TRPC3: variants seen among roughly 807,000 people sequenced by gnomAD.
TRPC3 encodes the protein transient receptor potential cation channel subfamily C member 3, also known as short transient receptor potential channel 3.
A neutral mutation model predicts 90.9 loss-of-function variants in TRPC3; 54 were observed. That is an observed-to-expected ratio of 0.59 (90% CI 0.48 to 0.75). The LOEUF is 0.75. Ranked by LOEUF, TRPC3 falls within the 30% of genes least tolerant of loss-of-function variation. The pLI, the probability that TRPC3 is intolerant of heterozygous loss-of-function variation, is 0.00. For missense variants in TRPC3, 918 were observed against 1,194.5 expected (o/e 0.77, Z 3.41); for synonymous variants, 424 against 450.9 (o/e 0.94, Z 0.75).
At chr4:121,950,346 C>T (rs1368979034) in intron 1 of TRPC3, among the ~76,000 whole-genome samples, 1 of 152,202 alleles carries the variant, frequency 6.6e-6, no homozygotes, top group Non-Finnish European at 1.5e-5. Flanking sequence ...GGGCCTCTCG[C>T]CGGCAGCAGG....
At chr4:121,880,422 A>G (rs1020606653) in intron 11 of TRPC3, among the ~76,000 whole-genome samples, 3 of 152,246 alleles carry the variant, frequency 2.0e-5, no homozygotes, top group African/African-American at 7.2e-5. Flanking sequence ...ACATGAAGAC[A>G]TTAGTTTGTC....
At chr4:121,938,033 C>A (rs1373737843) in intron 1 of TRPC3, among the ~76,000 whole-genome samples, 8 of 148,636 alleles carry the variant, frequency 5.4e-5, no homozygotes, top group Middle Eastern at 3.5e-3. Context: ...AAAAAAAAAA[C>A]AACCCAGAGT....
chr4:121,949,583 C>G (rs1350251444), intron 1 of TRPC3, among the ~76,000 whole-genome samples: 1 of 152,174 alleles, frequency 6.6e-6, no homozygotes, highest in Non-Finnish European at 1.5e-5. Flanking sequence ...CAGCTAATCT[C>G]TGTTACAGAG....
intron 4 of TRPC3, among the ~76,000 whole-genome samples, chr4:121,913,747 A>G (rs1445764691): frequency 1.3e-5 from 2 of 152,240 alleles, no homozygotes; most frequent in African/African-American, 2.4e-5. Context: ...ATACATAACA[A>G]AAGAACTTGG....
At chr4:121,942,889 T>C (rs1411309874) in intron 1 of TRPC3, among the ~76,000 whole-genome samples, 2 of 152,230 alleles carry the variant, frequency 1.3e-5, no homozygotes, top group African/African-American at 2.4e-5. Flanking sequence ...TAAACGAACG[T>C]ATGTGCCCAA....
intron 10 of TRPC3, among the ~76,000 whole-genome samples, chr4:121,891,049 T>C (rs1369418898): frequency 6.6e-6 from 1 of 152,014 alleles, no homozygotes; most frequent in Non-Finnish European, 1.5e-5. Context: ...TACAGATCCA[T>C]CTATAGAACA....
At chr4:121,892,527 G>A (rs963831706) in intron 10 of TRPC3, among the ~76,000 whole-genome samples, 1 of 152,114 alleles carries the variant, frequency 6.6e-6, no homozygotes, top group East Asian at 1.9e-4. Flanking sequence ...GAAAAAGCCT[G>A]GGTCCCTGAC....
At chr4:121,915,767 AG>A (rs1729292801) in intron 3 of TRPC3, among the ~76,000 whole-genome samples, 3 of 152,164 alleles carry the variant, frequency 2.0e-5, no homozygotes, top group Non-Finnish European at 4.4e-5. Context: ...ATTTCTTTAA[AG>A]CCCTGTTCTT....
At position 121,875,479 on chromosome 4, in the gene TRPC3, T is replaced by C. The variant is rs1727738402; in HGVS notation, c.*4257A>G. Among the ~76,000 whole-genome samples the C allele has an allele frequency of 6.6e-6, 1 of 152,180 alleles. No individual in the cohort carries two copies. Among genetic ancestry groups the C allele is most frequent in the South Asian group, 2.1e-4 (1 of 4,830 alleles). On this transcript the variant is annotated 3_prime_UTR_variant, in exon 12 of 12. Coordinates refer to ENST00000379645, the MANE Select transcript of TRPC3 (RefSeq NM_001130698.2). Reference sequence around the variant, plus strand: ...CAGGGTAAGGAATTTTTATTCACAATAAAGAAAATGTCAAGTTAAATTACC... The same window carrying C: ...CAGGGTAAGGAATTTTTATTCACAACAAAGAAAATGTCAAGTTAAATTACC...
chr4:121,916,981 C>T (rs1263817940), intron 3 of TRPC3, among the ~76,000 whole-genome samples: 1 of 152,156 alleles, frequency 6.6e-6, no homozygotes, highest in African/African-American at 2.4e-5. Flanking sequence ...TCTGAAAGTG[C>T]TGGGATTACA....
At chr4:121,922,632 G>T (rs977101348) in intron 3 of TRPC3, among the ~76,000 whole-genome samples, 2 of 151,660 alleles carry the variant, frequency 1.3e-5, no homozygotes, top group African/African-American at 4.9e-5. Context: ...TGTAGATGAG[G>T]TGTCTCTGCT....
In TRPC3 at chr4:121,933,232, T is replaced by C. The variant is rs1359552785; in HGVS notation, c.216-190A>G. ...ACACCTGTGATCTAACCCTGGCTGCTAGATCCCAGAAGGAAGCCGGCAGCC... is the reference window on the plus strand; with the variant it reads ...ACACCTGTGATCTAACCCTGGCTGCCAGATCCCAGAAGGAAGCCGGCAGCC... On this transcript the variant is annotated intron_variant, in intron 1 of 11. Coordinates refer to ENST00000379645, the MANE Select transcript of TRPC3 (RefSeq NM_001130698.2). 2.4e-6 allele frequency: 3 copies of C among 1,227,320 alleles called. No homozygotes were observed. In the African/African-American group the frequency reaches 4.7e-5, roughly 19 times the overall value. 76.0% of individuals were successfully genotyped at this position (1,227,320 alleles called of 1,614,324 possible). A position where few individuals can be genotyped will look rare whatever the true frequency, so the allele number is the denominator to read the frequency against.
Position 121,932,300 on chromosome 4 carries a change from T to C in TRPC3, c.958A>G (p.Lys320Glu). Reference sequence around the variant, plus strand: ...AACTCCTTCTCTATGTTGGCCAGCTTGGCCAGCTCGTTGCTGAGCTCTAGG... The same window carrying C: ...AACTCCTTCTCTATGTTGGCCAGCTCGGCCAGCTCGTTGCTGAGCTCTAGG... ...TALELSNELA[K>E]LANIEKEFKN... Residue 320 changes from lysine (K) to glutamate (E), a missense_variant, in exon 2 of 12, where the codon AAG becomes GAG. By Grantham distance (56) the Lys-to-Glu change is moderately conservative. Transcript: ENST00000379645. This position sits in a 1 kb window ranked among gnomAD's most constrained non-coding sequence, Gnocchi z 7.7. 1 of 1,614,116 alleles carries C rather than the reference T, an allele frequency of 6.2e-7. No individual in the cohort carries two copies. The highest frequency in any genetic ancestry group is 8.5e-7 in the Non-Finnish European group (1 of 1,180,004).
chr4:121,904,857 T>C (rs1728826239), intron 7 of TRPC3, among the ~76,000 whole-genome samples: 1 of 152,152 alleles, frequency 6.6e-6, no homozygotes, highest in African/African-American at 2.4e-5. Context: ...GTATGTGATT[T>C]AGAAATTTAA....
intron 2 of TRPC3, among the ~76,000 whole-genome samples, chr4:121,930,280 AG>A (rs1471366686): frequency 1.3e-5 from 2 of 152,186 alleles, no homozygotes; most frequent in African/African-American, 4.8e-5. Context: ...CATATAATCT[AG>A]AAAAAAGAAC....
Position 121,951,576 on chromosome 4 carries a change from G to A in TRPC3, c.105C>T (p.Arg35=), listed in dbSNP as rs1290028867. The change falls in exon 1 of 12, where the codon CGC becomes CGT. Residue 35 remains arginine, a synonymous_variant. Transcript: ENST00000379645. This position sits in a 1 kb window ranked among gnomAD's most constrained non-coding sequence, Gnocchi z 4.4. ...EGEDEGAEPQ[R]RRRGWRGVNG... ...TGACGCCCCTCCAGCCCCGGCGGCG[G>A]CGCTGCGGCTCCGCGCCCTCGTCCT... 1.4e-6 allele frequency: 2 copies of A among 1,450,188 alleles called. No homozygotes were observed. Among genetic ancestry groups the A allele is most frequent in the Non-Finnish European group, 1.8e-6 (2 of 1,097,538 alleles). The allele number at this position is 1,450,188 out of a possible 1,614,324, so 89.8% of individuals were successfully genotyped here. A position where few individuals can be genotyped will look rare whatever the true frequency, so the allele number is the denominator to read the frequency against.
intron 1 of TRPC3, among the ~76,000 whole-genome samples, chr4:121,934,511 C>T (rs1324585399): frequency 6.6e-6 from 1 of 152,192 alleles, no homozygotes; most frequent in Non-Finnish European, 1.5e-5. Context: ...TTCCACATTA[C>T]TGACTTTTGA....
intron 1 of TRPC3, among the ~76,000 whole-genome samples, chr4:121,947,383 G>T (rs753243003): frequency 1.3e-5 from 2 of 152,150 alleles, no homozygotes; most frequent in Admixed American, 1.3e-4. Flanking sequence ...TCCAGGGTTG[G>T]GAGGGAGGGA....
intron 10 of TRPC3, among the ~76,000 whole-genome samples, chr4:121,893,120 CAAAA>C (rs70950857): frequency 1.9e-5 from 2 of 105,636 alleles, no homozygotes; most frequent in Non-Finnish European, 1.9e-5. Context: ...GACTCTGTCA[CAAAA>C]AAAAAAAAAA....
Sources: gnomAD v4.1 joint callset for allele counts (sites outside exome capture counted in the v4.1 genomes callset) on GRCh38, gnomAD v4.1.1 for gene constraint, Gnocchi (gnomAD v3.1) non-coding constraint, MANE v1.5 for transcripts, NCBI Gene and HGNC (gene_info 2026-07-23, HGNC 2026-07-21) for gene names.